The following ARF1 variants were observed in gnomAD, a reference collection of about 807,000 sequenced individuals.
The protein encoded by ARF1 is ARF GTPase 1.
Under a neutral mutation model 18.0 loss-of-function variants are expected in ARF1, and 1 was observed. The observed-to-expected ratio is 0.06, with a 90% CI of 0.02 to 0.26. The LOEUF (loss-of-function observed/expected upper bound fraction) is 0.26. Ranked by LOEUF, ARF1 falls within the 10% of genes least tolerant of loss-of-function variation. The pLI is 1.00. For missense variants in ARF1, 73 were observed against 247.2 expected, an observed-to-expected ratio of 0.30 and a Z score of 4.73; for synonymous variants, 112 against 96.3, an observed-to-expected ratio of 1.16 and a Z score of -0.95.
chr1:228,093,536 C>T (rs1433252195), intron 1 of ARF1, among the ~76,000 whole-genome samples: 1 of 151,802 alleles, frequency 6.6e-6, no homozygotes, highest in Non-Finnish European at 1.5e-5. Context: ...GTCTTGACAC[C>T]TGAGACTTCA....
At chr1:228,085,522 A>T (rs1295759195) in intron 1 of ARF1, among the ~76,000 whole-genome samples, 1 of 152,154 alleles carries the variant, frequency 6.6e-6, no homozygotes, top group Admixed American at 6.5e-5. Context: ...GCTGGCTGAT[A>T]AGCCATAAAG....
chr1:228,088,808 G>A (rs74140924), intron 1 of ARF1, among the ~76,000 whole-genome samples: 178 of 152,284 alleles, frequency 1.2e-3, no homozygotes, highest in African/African-American at 4.1e-3. Flanking sequence ...ATCATAGTTG[G>A]GACAGAGCAG....
rs2032773020 is a variant in ARF1 at position 228,097,111 on chromosome 1, A to G, written c.-4A>G. On this transcript the variant is annotated 5_prime_UTR_variant, in exon 2 of 5. Coordinates refer to ENST00000272102, the MANE Select transcript of ARF1 (RefSeq NM_001658.4). This position sits in a 1 kb window ranked among gnomAD's most constrained non-coding sequence, Gnocchi z 8.1. ...GGCCAGTGTCCTTCCACCTGTCCACAAGCATGGGGAACATCTTCGCCAACC... is the reference window on the plus strand; with the variant it reads ...GGCCAGTGTCCTTCCACCTGTCCACGAGCATGGGGAACATCTTCGCCAACC... 1.3e-6 allele frequency: 2 copies of G among 1,595,040 alleles called. No homozygotes were observed. Among genetic ancestry groups the G allele is most frequent in the East Asian group, 4.5e-5 (2 of 44,824 alleles).
At chr1:228,095,135 G>GT (rs2032700240) in intron 1 of ARF1, among the ~76,000 whole-genome samples, 1 of 152,068 alleles carries the variant, frequency 6.6e-6, no homozygotes, top group African/African-American at 2.4e-5. Context: ...AGCTATTTGT[G>GT]TATCTATCAG....
chr1:228,090,055 G>C (rs2032528828), intron 1 of ARF1, among the ~76,000 whole-genome samples: 1 of 152,258 alleles, frequency 6.6e-6, no homozygotes, highest in Admixed American at 6.5e-5. Context: ...GGAACCAGCG[G>C]CCTCCATGTG....
chr1:228,090,113 C>T (rs1168874143), intron 1 of ARF1, among the ~76,000 whole-genome samples: 2 of 152,224 alleles, frequency 1.3e-5, no homozygotes, highest in African/African-American at 4.8e-5. Context: ...TGTGGACACT[C>T]GTCCTGCCCT....
In ARF1 at chr1:228,097,884, C is replaced by T; in HGVS notation, c.417C>T (p.Ile139=). 6.2e-7 allele frequency: 1 copy of T among 1,614,132 alleles called. No homozygotes were observed. The highest frequency in any genetic ancestry group is 1.1e-5 in the South Asian group (1 of 91,084). Reference sequence around the variant, plus strand: ...CCAACGCCATGAATGCGGCCGAGATCACAGACAAGCTGGGGCTGCACTCAC... The same window carrying T: ...CCAACGCCATGAATGCGGCCGAGATTACAGACAAGCTGGGGCTGCACTCAC... ...DLPNAMNAAE[I]TDKLGLHSLR... The change falls in exon 5 of 5, where the codon ATC becomes ATT. Residue 139 remains isoleucine, a synonymous_variant. Coordinates refer to ENST00000272102, the MANE Select transcript of ARF1 (RefSeq NM_001658.4). This position sits in a 1 kb window ranked among gnomAD's most constrained non-coding sequence, Gnocchi z 8.1.
chr1:228,090,054 G>A (rs1028832453), intron 1 of ARF1, among the ~76,000 whole-genome samples: 2 of 152,238 alleles, frequency 1.3e-5, no homozygotes, highest in Non-Finnish European at 2.9e-5. Flanking sequence ...TGGAACCAGC[G>A]GCCTCCATGT....
At position 228,082,784 on chromosome 1, in the gene ARF1, G is replaced by C. The variant is rs2032250059; in HGVS notation, c.-38+19G>C. On this transcript the variant is annotated intron_variant, in intron 1 of 4. Transcript: ENST00000272102. This position sits in a 1 kb window ranked among gnomAD's most constrained non-coding sequence, Gnocchi z 6.1. Reference sequence around the variant, plus strand: ...CTCTGAGGTGAGGGCGAGGGGCGCGGGCCGGTGTGGGCCGCAGAGACGTTG... The same window carrying C: ...CTCTGAGGTGAGGGCGAGGGGCGCGCGCCGGTGTGGGCCGCAGAGACGTTG... 6.6e-6 allele frequency: 1 copy of C among 152,138 alleles called. No homozygotes were observed. Among genetic ancestry groups the C allele is most frequent in the African/African-American group, 2.4e-5 (1 of 41,396 alleles). 9.4% of individuals were successfully genotyped at this position (152,138 alleles called of 1,614,324 possible). A position where few individuals can be genotyped will look rare whatever the true frequency, so the allele number is the denominator to read the frequency against.
In ARF1 at chr1:228,098,791, G is replaced by C. The variant is rs1182807295; in HGVS notation, c.*778G>C. On this transcript the variant is annotated 3_prime_UTR_variant, in exon 5 of 5. Transcript: ENST00000272102. The stretch of plus-strand genomic sequence containing the variant: ...CTGTCCCTCGGTCGCCGTGTGGCCA[G>C]AGTGGGTCCGTCGTCCCCAACACTC... The C allele has an allele frequency of 6.6e-6, 1 of 152,650 alleles. No individual in the cohort carries two copies. Among genetic ancestry groups the C allele is most frequent in the Admixed American group, 6.5e-5 (1 of 15,286 alleles). The allele number at this position is 152,650 out of a possible 1,614,324, so 9.5% of individuals were successfully genotyped here.
intron 1 of ARF1, among the ~76,000 whole-genome samples, chr1:228,084,862 G>A (rs1477597426): frequency 2.0e-5 from 3 of 152,184 alleles, no homozygotes; most frequent in African/African-American, 4.8e-5. Flanking sequence ...CAAATTAAAT[G>A]TCTCCTTGGT....
chr1:228,091,811 T>C (rs1409231294), intron 1 of ARF1, among the ~76,000 whole-genome samples: 2 of 152,182 alleles, frequency 1.3e-5, no homozygotes, highest in Admixed American at 1.3e-4. Flanking sequence ...GTGATGACCA[T>C]AGGCTTTATT....
rs1395578199 is a variant in ARF1 at position 228,089,348 on chromosome 1, CGGT to C, written c.-38+6586_-38+6588del. 6.6e-6 allele frequency among the ~76,000 whole-genome samples: 1 copy of C among 152,116 alleles called. No homozygotes were observed. The stretch of plus-strand genomic sequence containing the variant: ...CAGAAGCGAGGATTTCCTGCAAGGG[CGGT>C]GGCCTCCCAGGGTCTGTGGGGGGGC... On this transcript the variant is annotated intron_variant, in intron 1 of 4. Transcript: ENST00000272102. The surrounding 1 kb of genome is among the most constrained non-coding windows in gnomAD (Gnocchi z 4.1).
chr1:228,093,446 C>T (rs1194886638), intron 1 of ARF1, among the ~76,000 whole-genome samples: 1 of 152,074 alleles, frequency 6.6e-6, no homozygotes, highest in Non-Finnish European at 1.5e-5. Flanking sequence ...CAGGACGTGC[C>T]AGCCACCCTC....
At chr1:228,084,262 T>C (rs1227344184) in intron 1 of ARF1, among the ~76,000 whole-genome samples, 4 of 152,210 alleles carry the variant, frequency 2.6e-5, no homozygotes, top group African/African-American at 9.6e-5. Flanking sequence ...GGGTCCAAAA[T>C]TGAGAAGAAT....
At chr1:228,084,359 A>C (rs1292943928) in intron 1 of ARF1, among the ~76,000 whole-genome samples, 1 of 152,242 alleles carries the variant, frequency 6.6e-6, no homozygotes, top group Non-Finnish European at 1.5e-5. Context: ...TAGACTGGAG[A>C]ATAGCTGTCA....
chr1:228,093,045 G>T (rs1053223158), intron 1 of ARF1, among the ~76,000 whole-genome samples: 1 of 152,244 alleles, frequency 6.6e-6, no homozygotes, highest in Middle Eastern at 3.4e-3. Context: ...CCCACAGCGT[G>T]GTCAGGAAAG....
Position 228,097,338 on chromosome 1 carries a change from C to G in ARF1, c.149-4C>G. 3 of 1,613,662 alleles carry G rather than the reference C, an allele frequency of 1.9e-6. No homozygotes were observed. Among genetic ancestry groups the G allele is most frequent in the Non-Finnish European group, 2.5e-6 (3 of 1,179,788 alleles). ...CAAGGCCTCACCCTGCATCCCGCAC[C>G]CAGGCTTCAACGTGGAAACCGTGGA... On this transcript the variant is annotated splice_region_variant and splice_polypyrimidine_tract_variant and intron_variant, in intron 2 of 4. Coordinates refer to ENST00000272102, the MANE Select transcript of ARF1 (RefSeq NM_001658.4). This position sits in a 1 kb window ranked among gnomAD's most constrained non-coding sequence, Gnocchi z 8.1.
chr1:228,091,174 A>G (rs941976795), intron 1 of ARF1: 3 of 152,250 alleles, frequency 2.0e-5, no homozygotes, highest in Admixed American at 6.5e-5. Context: ...AATCACAAAA[A>G]TGGAATTCAT....
Sources: allele counts gnomAD v4.1 joint callset (sites outside exome capture counted in the v4.1 genomes callset), GRCh38; gene constraint gnomAD v4.1.1; non-coding constraint Gnocchi (gnomAD v3.1); transcripts MANE v1.5; gene names NCBI Gene and HGNC (gene_info 2026-07-23, HGNC 2026-07-21).